RPTOR: variants seen among roughly 807,000 people sequenced by gnomAD.
RPTOR encodes regulatory-associated protein of mTOR.
A neutral mutation model predicts 169.9 loss-of-function variants in RPTOR; 21 were observed. The observed-to-expected ratio is 0.12, with a 90% CI of 0.09 to 0.18. The LOEUF (loss-of-function observed/expected upper bound fraction) is 0.18, where lower values mean the gene tolerates loss of function less well. Ranked by LOEUF, RPTOR falls within the 10% of genes least tolerant of loss-of-function variation. RPTOR has a pLI of 1.00. For synonymous variants in RPTOR, 732 were observed against 753.2 expected (o/e 0.97, Z 0.46); for missense variants, 1,133 against 1,855.9 (o/e 0.61, Z 7.16).
chr17:80,772,357 A>AC (rs1307073619), intron 6 of RPTOR, among the ~76,000 whole-genome samples: 1 of 152,026 alleles, frequency 6.6e-6, no homozygotes, highest in Non-Finnish European at 1.5e-5. Flanking sequence ...CTGTCACTTG[A>AC]CCCAAATGGT....
chr17:80,602,889 C>G, intron 1 of RPTOR: 1 of 480,686 alleles, frequency 2.1e-6, no homozygotes, highest in Non-Finnish European at 3.9e-6. Context: ...TGCAGAATGG[C>G]CGTTTTTCTT....
rs1045240476 is a variant in RPTOR, at chr17:80,965,042, C to T, written c.*712C>T. 4.3e-5 allele frequency: 10 copies of T among 233,296 alleles called. No individual in the cohort carries two copies. Among genetic ancestry groups the T allele is most frequent in the African/African-American group, 2.0e-4 (9 of 45,366 alleles). 14.5% of individuals were successfully genotyped at this position (233,296 alleles called of 1,614,324 possible). ...TCTGGACTCCAGTTTTGGCCCCTCT[C>T]ACACAGAGCTGTCAGCAGGGGCCGC... On this transcript the variant is annotated 3_prime_UTR_variant, in exon 34 of 34. Coordinates refer to ENST00000306801, the MANE Select transcript of RPTOR (RefSeq NM_020761.3).
chr17:80,812,903 C>A (rs1219516868), intron 7 of RPTOR, among the ~76,000 whole-genome samples: 1 of 152,226 alleles, frequency 6.6e-6, no homozygotes, highest in Non-Finnish European at 1.5e-5. Flanking sequence ...AGATAATGCC[C>A]AGTGGCTGCA....
At chr17:80,785,249 A>G (rs982851170) in intron 6 of RPTOR, among the ~76,000 whole-genome samples, 1 of 152,234 alleles carries the variant, frequency 6.6e-6, no homozygotes, top group Non-Finnish European at 1.5e-5. Context: ...TGGTCAGGAT[A>G]CAGAAAAGCA....
chr17:80,578,443 A>G (rs774592687), intron 1 of RPTOR, among the ~76,000 whole-genome samples: 20 of 152,214 alleles, frequency 1.3e-4, no homozygotes, highest in Non-Finnish European at 2.4e-4. Flanking sequence ...GCTTCCCAAC[A>G]TGGCCAAACA....
chr17:80,579,427 G>C (rs1463597313), intron 1 of RPTOR, among the ~76,000 whole-genome samples: 1 of 152,142 alleles, frequency 6.6e-6, no homozygotes, highest in Admixed American at 6.5e-5. Flanking sequence ...CCCGACCTCA[G>C]GTGATCCGCC....
chr17:80,729,636 A>G (rs955626030), intron 4 of RPTOR, among the ~76,000 whole-genome samples: 1 of 152,256 alleles, frequency 6.6e-6, no homozygotes, highest in Admixed American at 6.5e-5. Context: ...ATGATCTTTC[A>G]AAAGTCATCT....
rs141850012 is a variant in RPTOR at position 80,609,946 on chromosome 17, G to T, written c.163-15745G>T. On this transcript the variant is annotated intron_variant, in intron 1 of 33. Coordinates refer to ENST00000306801, the MANE Select transcript of RPTOR (RefSeq NM_020761.3). This position sits in a 1 kb window ranked among gnomAD's most constrained non-coding sequence, Gnocchi z 4.8. ...GATAGCACATTCCCCTGCAGTGCCT[G>T]CTGGGTCCTGGAACGAGGCCTTCCA... Among the ~76,000 whole-genome samples, 1 of 151,928 alleles carries T rather than the reference G, an allele frequency of 6.6e-6. No homozygotes were observed. The highest frequency in any genetic ancestry group is 1.5e-5 in the Non-Finnish European group (1 of 67,908).
At chr17:80,935,828 A>G (rs1355040404) in intron 24 of RPTOR, among the ~76,000 whole-genome samples, 1 of 152,226 alleles carries the variant, frequency 6.6e-6, no homozygotes, top group African/African-American at 2.4e-5. Flanking sequence ...CTTTAATAAG[A>G]TGCAAAAAGT....
At chr17:80,700,517 A>ATGG (rs1240666302) in intron 3 of RPTOR, among the ~76,000 whole-genome samples, 27 of 83,494 alleles carry the variant, frequency 3.2e-4, no homozygotes, top group Admixed American at 1.2e-3. Context: ...GGTGATGGTG[A>ATGG]TGGTGGTGGT....
chr17:80,807,058 T>G (rs933756218), intron 7 of RPTOR, among the ~76,000 whole-genome samples: 3 of 152,272 alleles, frequency 2.0e-5, no homozygotes, highest in African/African-American at 7.2e-5. Flanking sequence ...GCCTTTTGCC[T>G]TAGAGTCCAC....
At chr17:80,938,665 T>G (rs1029809178) in intron 24 of RPTOR, among the ~76,000 whole-genome samples, 40 of 152,184 alleles carry the variant, frequency 2.6e-4, no homozygotes, top group African/African-American at 9.2e-4. Flanking sequence ...GTTTCCGGGT[T>G]TGGATGTCTT....
At chr17:80,852,548 A>G (rs8082168) in intron 11 of RPTOR, among the ~76,000 whole-genome samples, 3,843 of 152,212 alleles carry the variant, frequency 0.025, 164 homozygotes, top group African/African-American at 0.087. Flanking sequence ...TCCATGGTGA[A>G]CCCAGCGTGG....
intron 6 of RPTOR, among the ~76,000 whole-genome samples, chr17:80,770,091 C>T (rs1447199884): frequency 2.0e-5 from 3 of 152,152 alleles, no homozygotes; most frequent in African/African-American, 2.4e-5. Flanking sequence ...GTGGGTTTGG[C>T]GTCTGGTGAG....
rs560858668 is a variant in RPTOR, at chr17:80,846,760, A to G, written c.1314+186A>G. On this transcript the variant is annotated intron_variant, in intron 11 of 33. Transcript: ENST00000306801. ...CGGGCAAACGGATCACACAGATCCA[A>G]TCAGGAGTCACTGGGCTGATCGCAC... is the stretch of plus-strand genomic sequence containing the variant. 8.5e-5 allele frequency among the ~76,000 whole-genome samples: 13 copies of G among 152,244 alleles called. No homozygotes were observed. In the South Asian group the frequency reaches 2.5e-3, roughly 29 times the overall value.
intron 26 of RPTOR, 32 bp downstream of exon 26, chr17:80,945,813 G>A (rs200096050): frequency 3.3e-5 from 45 of 1,370,694 alleles, no homozygotes; most frequent in African/African-American, 1.8e-4. Flanking sequence ...CCTCCCTTCC[G>A]GCTGACCGAC....
intron 1 of RPTOR, among the ~76,000 whole-genome samples, chr17:80,590,153 CTTTAA>C (rs1213827145): frequency 6.6e-6 from 1 of 152,272 alleles, no homozygotes; most frequent in Admixed American, 6.5e-5. Context: ...GCTTTTTCTC[CTTTAA>C]TTTGTTAGCA....
chr17:80,903,167 T>C lies in RPTOR; in HGVS notation c.2402-5644T>C, dbSNP rs147844634. ...GCCCTGCGGAGCCTGGAGCCGGCCC[T>C]GGTGCAGCTGTGGCAAGCGCCCTGC... On this transcript the variant is annotated intron_variant, in intron 20 of 33. Transcript: ENST00000306801. 8.4e-3 allele frequency among the ~76,000 whole-genome samples: 1,279 copies of C among 152,332 alleles called. 21 individuals carry two copies. Among genetic ancestry groups the C allele is most frequent in the African/African-American group, 0.028 (1,175 of 41,572 alleles).
Position 80,708,757 on chromosome 17 carries a change from A to G in RPTOR, c.507+758A>G, listed in dbSNP as rs2066161565. On this transcript the variant is annotated intron_variant, in intron 4 of 33. Coordinates refer to ENST00000306801, the MANE Select transcript of RPTOR (RefSeq NM_020761.3). This position sits in a 1 kb window ranked among gnomAD's most constrained non-coding sequence, Gnocchi z 4.2. ...CTCAGAGCAGCCAGCTATGGGTCTC[A>G]CTGCGCTCTGCGTGATGCATGAAAA... Among the ~76,000 whole-genome samples the G allele has an allele frequency of 6.6e-6, 1 of 152,160 alleles. No individual in the cohort carries two copies. The highest frequency in any genetic ancestry group is 2.1e-4 in the South Asian group (1 of 4,830).
Sources: gnomAD v4.1 joint callset for allele counts (sites outside exome capture counted in the v4.1 genomes callset) on GRCh38, gnomAD v4.1.1 for gene constraint, Gnocchi (gnomAD v3.1) non-coding constraint, MANE v1.5 for transcripts, NCBI Gene and HGNC (gene_info 2026-07-23, HGNC 2026-07-21) for gene names.